Variants in ZFAT observed in about 807,000 individuals in gnomAD.
ZFAT encodes zinc finger protein ZFAT.
In ZFAT, 64 loss-of-function variants were observed where a neutral mutation model predicts 117.7. The observed-to-expected ratio is 0.54, with a 90% CI of 0.44 to 0.67. ZFAT has a LOEUF of 0.67. ZFAT is among the 30% of genes least tolerant of loss of function. The pLI, the probability that ZFAT is intolerant of heterozygous loss-of-function variation, is 0.00. For missense variants in ZFAT, 1,433 were observed against 1,584.5 expected (o/e 0.90, Z 1.62); for synonymous variants, 679 against 615.0 (o/e 1.10, Z -1.54).
intron 10 of ZFAT, among the ~76,000 whole-genome samples, chr8:134,575,894 G>A (rs181861311): frequency 1.3e-5 from 2 of 152,310 alleles, no homozygotes; most frequent in African/African-American, 2.4e-5. Context: ...AATAGCTACA[G>A]CAATAAAAAT....
At chr8:134,773,984 ATTTTTTTT>A in the ZFAT span, among the ~76,000 whole-genome samples, 5 of 103,292 alleles carry the variant, frequency 4.8e-5, no homozygotes, top group African/African-American at 1.6e-4. Flanking sequence ...TTGAGGATTA[ATTTTTTTT>A]TTTTTTTTTT....
intron 1 of ZFAT, among the ~76,000 whole-genome samples, chr8:134,711,457 C>A (rs1014659044): frequency 1.3e-5 from 2 of 152,176 alleles, no homozygotes; most frequent in African/African-American, 4.8e-5. Flanking sequence ...CCTAAGACAG[C>A]ACACCTGAAT....
At chr8:134,773,984 A>ATTTTTTTTTTTTT in the ZFAT span, among the ~76,000 whole-genome samples, 99 of 103,284 alleles carry the variant, frequency 9.6e-4, 5 homozygotes, top group African/African-American at 3.7e-3. Flanking sequence ...TTGAGGATTA[A>ATTTTTTTTTTTTT]TTTTTTTTTT....
rs1327657411 is a variant in ZFAT, at chr8:134,610,557, T to G, written c.547A>C (p.Lys183Gln). The G allele has an allele frequency of 2.5e-6, 4 of 1,614,212 alleles. No individual in the cohort carries two copies. The South Asian group carries it at 4.4e-5, about 18-fold the overall frequency. The change falls in exon 4 of 16, where the codon AAG becomes CAG. Residue 183 changes from lysine (K) to glutamine (Q), a missense_variant. This residue lies in a region of ZFAT where 436 missense variants were observed against 482.0 expected (regional missense o/e 0.90). Coordinates refer to ENST00000377838, the MANE Select transcript of ZFAT (RefSeq NM_020863.4). ...PRSQKTEKVQ[K>Q]ISGKEARQLS... is the part of the protein sequence containing the mutation. ...TGTCTGGCCTCCTTTCCTGAGATCT[T>G]CTGGACTTTCTCTGTTTTCTGTGAC... is the stretch of plus-strand genomic sequence containing the variant.
At chr8:134,530,443 CA>C (rs1821323654) in intron 12 of ZFAT, among the ~76,000 whole-genome samples, 1 of 152,226 alleles carries the variant, frequency 6.6e-6, no homozygotes, top group Admixed American at 6.5e-5. Context: ...CTCTCCTAGA[CA>C]TAAGAACAAT....
chr8:134,696,662 G>A (rs1038361584), intron 1 of ZFAT: 23 of 955,618 alleles, frequency 2.4e-5, no homozygotes, highest in African/African-American at 8.8e-5. Flanking sequence ...GCATCCTGCC[G>A]CCACAGAGGC....
chr8:134,822,675 T>C, the ZFAT span, among the ~76,000 whole-genome samples: 1 of 152,144 alleles, frequency 6.6e-6, no homozygotes, highest in East Asian at 1.9e-4. Context: ...AATATACTTT[T>C]ATAAAGAATA....
chr8:134,798,219 T>C, the ZFAT span: 2 of 151,950 alleles, frequency 1.3e-5, no homozygotes, highest in Non-Finnish European at 2.9e-5. Context: ...AATTATAAGA[T>C]ACCAAATCTT....
chr8:134,606,729 G>GAAAAAAAAAAAAAAAAAA (rs75459456), intron 5 of ZFAT, among the ~76,000 whole-genome samples: 1 of 47,912 alleles, frequency 2.1e-5, no homozygotes, highest in Non-Finnish European at 5.1e-5. Flanking sequence ...CTCTGTCTCA[G>GAAAAAAAAAAAAAAAAAA]AAAAAAAAAA....
At chr8:134,769,106 G>C in the ZFAT span, among the ~76,000 whole-genome samples, 1 of 152,106 alleles carries the variant, frequency 6.6e-6, no homozygotes. Flanking sequence ...CCAGGAGGTG[G>C]AGGTTGCAGT....
At chr8:134,702,569 T>C (rs185848150) in intron 1 of ZFAT, among the ~76,000 whole-genome samples, 1 of 152,326 alleles carries the variant, frequency 6.6e-6, no homozygotes, top group Admixed American at 6.5e-5. Flanking sequence ...TCATTCTCTG[T>C]TGCCTACCCC....
chr8:134,624,757 T>C (rs1385429795), intron 3 of ZFAT, among the ~76,000 whole-genome samples: 1 of 152,164 alleles, frequency 6.6e-6, no homozygotes, highest in Non-Finnish European at 1.5e-5. Flanking sequence ...CAGAACAGAG[T>C]ATCTCACATG....
the ZFAT span, chr8:134,764,784 C>T: frequency 6.6e-6 from 1 of 152,250 alleles, no homozygotes; most frequent in African/African-American, 2.4e-5. Flanking sequence ...TATCAGTGGA[C>T]TTTCCAAGTT....
At chr8:134,545,523 G>T (rs1236168233) in intron 11 of ZFAT, among the ~76,000 whole-genome samples, 1 of 152,144 alleles carries the variant, frequency 6.6e-6, no homozygotes, top group Admixed American at 6.5e-5. Context: ...ATGAGACATG[G>T]TTTAGAGATG....
chr8:134,698,050 C>A (rs957758527), intron 1 of ZFAT, among the ~76,000 whole-genome samples: 2 of 149,146 alleles, frequency 1.3e-5, no homozygotes, highest in Non-Finnish European at 1.5e-5. Context: ...GGGCCAGGTG[C>A]GGTGGCTCAC....
chr8:134,694,550 T>C (rs1303200224), intron 1 of ZFAT, among the ~76,000 whole-genome samples: 1 of 152,176 alleles, frequency 6.6e-6, no homozygotes, highest in African/African-American at 2.4e-5. Flanking sequence ...AAACCCTACA[T>C]CCAACATGCC....
chr8:134,795,349 A>G, the ZFAT span: 1 of 152,356 alleles, frequency 6.6e-6, no homozygotes, highest in Admixed American at 6.5e-5. Flanking sequence ...CCGGCGACCA[A>G]TGATGTAATC....
the ZFAT span, among the ~76,000 whole-genome samples, chr8:134,779,188 T>A: frequency 3.3e-5 from 5 of 152,358 alleles, no homozygotes; most frequent in Admixed American, 2.6e-4. Flanking sequence ...CTTGTTTTTT[T>A]CCTCATTCCC....
chr8:134,488,998 G>C (rs1163175362), intron 15 of ZFAT, among the ~76,000 whole-genome samples: 2 of 149,044 alleles, frequency 1.3e-5, no homozygotes, highest in African/African-American at 5.0e-5. Flanking sequence ...AGAACAAGTG[G>C]GGGGTGGGGG....
Sources: gnomAD v4.1 joint callset for allele counts (sites outside exome capture counted in the v4.1 genomes callset) on GRCh38, gnomAD v4.1.1 for gene constraint, gnomAD v4.1.1 regional missense constraint, MANE v1.5 for transcripts, NCBI Gene and HGNC (gene_info 2026-07-23, HGNC 2026-07-21) for gene names.